The following USP34 variants were observed in gnomAD, a reference collection of about 807,000 sequenced individuals.
USP34 encodes ubiquitin carboxyl-terminal hydrolase 34.
In USP34, 70 loss-of-function variants were observed where a neutral mutation model predicts 460.3. The observed-to-expected ratio is 0.15, with a 90% CI of 0.13 to 0.19. The LOEUF is 0.19. Among genes scored for constraint, USP34 ranks in the 10% least tolerant of loss-of-function variants. USP34 has a pLI of 1.00. For synonymous variants in USP34, 1,647 were observed against 1,405.3 expected, an observed-to-expected ratio of 1.17 and a Z score of -3.85; for missense variants, 3,985 against 4,236.2, an observed-to-expected ratio of 0.94 and a Z score of 1.65.
chr2:61,275,365 C>A (rs1008327895), intron 41 of USP34, among the ~76,000 whole-genome samples: 2 of 152,056 alleles, frequency 1.3e-5, no homozygotes, highest in Non-Finnish European at 1.5e-5. Context: ...ATCGGTAATC[C>A]CAACAGTTTG....
At chr2:61,443,578 G>A (rs1015758409) in intron 1 of USP34, among the ~76,000 whole-genome samples, 1 of 151,790 alleles carries the variant, frequency 6.6e-6, no homozygotes, top group Non-Finnish European at 1.5e-5. Flanking sequence ...AATCTTAACT[G>A]GCAACATACT....
chr2:61,309,121 G>C (rs575367048), intron 27 of USP34, among the ~76,000 whole-genome samples: 4 of 152,264 alleles, frequency 2.6e-5, no homozygotes, highest in South Asian at 2.1e-4. Flanking sequence ...AATGATGAAA[G>C]CAAGAAACAA....
At chr2:61,332,353 A>G (rs1389210748) in intron 19 of USP34, among the ~76,000 whole-genome samples, 1 of 152,026 alleles carries the variant, frequency 6.6e-6, no homozygotes, top group Non-Finnish European at 1.5e-5. Flanking sequence ...CTTTTAAGTG[A>G]TGTAGTTTAT....
At chr2:61,244,510 G>A (rs1198410447) in intron 51 of USP34, among the ~76,000 whole-genome samples, 8 of 151,796 alleles carry the variant, frequency 5.3e-5, no homozygotes, top group African/African-American at 1.7e-4. Flanking sequence ...AGCTACTCCC[G>A]AGGCTGAGAC....
chr2:61,442,109 T>TA (rs1442855664), intron 1 of USP34, among the ~76,000 whole-genome samples: 1 of 151,972 alleles, frequency 6.6e-6, no homozygotes, highest in African/African-American at 2.4e-5. Flanking sequence ...CTCCTCTACA[T>TA]AAACAATCAA....
At chr2:61,342,296 C>CTTTTT (rs34298126) in intron 16 of USP34, among the ~76,000 whole-genome samples, 20 of 95,088 alleles carry the variant, frequency 2.1e-4, no homozygotes, top group East Asian at 3.5e-4. Context: ...TGGCCGTTTC[C>CTTTTT]TTTTTTTTTT....
intron 10 of USP34, among the ~76,000 whole-genome samples, chr2:61,361,740 T>C (rs1692281331): frequency 6.6e-6 from 1 of 152,182 alleles, no homozygotes; most frequent in Non-Finnish European, 1.5e-5. Flanking sequence ...AAAAAGCTTC[T>C]TGACAATGGT....
At chr2:61,265,942 A>G in intron 42 of USP34, 42 bp downstream of exon 42, 2 of 1,492,930 alleles carry the variant, frequency 1.3e-6, no homozygotes, top group South Asian at 1.4e-5. Flanking sequence ...TTATTTCTGA[A>G]TTCAAAATCT....
At chr2:61,192,376 G>C (rs994922681) in intron 76 of USP34, among the ~76,000 whole-genome samples, 1 of 152,210 alleles carries the variant, frequency 6.6e-6, no homozygotes, top group African/African-American at 2.4e-5. Flanking sequence ...TAATTTTAAG[G>C]AGTTGGCTCT....
rs1326667640 is a variant in USP34 at position 61,317,644 on chromosome 2, A to G, written c.3282+10T>C. 3 of 1,602,772 alleles carry G rather than the reference A, an allele frequency of 1.9e-6. No homozygotes were observed. Among genetic ancestry groups the G allele is most frequent in the Non-Finnish European group, 2.6e-6 (3 of 1,173,198 alleles). On this transcript the variant is annotated intron_variant, in intron 23 of 79. Coordinates refer to ENST00000398571, the MANE Select transcript of USP34 (RefSeq NM_014709.4). ...TAAAGTTGCCTAATAAAGTAAGTCTAAATCCATACCTCAGAATTTGAACAA... is the reference window on the plus strand; with the variant it reads ...TAAAGTTGCCTAATAAAGTAAGTCTGAATCCATACCTCAGAATTTGAACAA...
At chr2:61,295,087 G>C (rs1024945395) in intron 31 of USP34, 55 bp from the exon 32 acceptor site, 2 of 1,599,988 alleles carry the variant, frequency 1.3e-6, no homozygotes, top group Non-Finnish European at 1.7e-6. Flanking sequence ...AATTATTATA[G>C]AATGGAAAAG....
chr2:61,239,771 G>A (rs1222023848), intron 53 of USP34, among the ~76,000 whole-genome samples: 1 of 152,126 alleles, frequency 6.6e-6, no homozygotes, highest in Non-Finnish European at 1.5e-5. Flanking sequence ...CACTTTGGGA[G>A]GCCGAGATGG....
chr2:61,439,977 G>C (rs1265325275), intron 1 of USP34, among the ~76,000 whole-genome samples: 1 of 152,158 alleles, frequency 6.6e-6, no homozygotes, highest in Non-Finnish European at 1.5e-5. Flanking sequence ...TCCTAGCCTA[G>C]TGCAGGGACC....
At chr2:61,236,880 T>A (rs1688084712) in intron 53 of USP34, among the ~76,000 whole-genome samples, 1 of 152,226 alleles carries the variant, frequency 6.6e-6, no homozygotes. Context: ...ATACCTTAAA[T>A]ATGACTTACA....
intron 75 of USP34, among the ~76,000 whole-genome samples, chr2:61,199,128 A>G (rs1686894521): frequency 6.6e-6 from 1 of 152,194 alleles, no homozygotes; most frequent in Admixed American, 6.5e-5. Flanking sequence ...ATTTTTATGT[A>G]GTCAAAACTT....
At chr2:61,385,907 A>C (rs1035273990) in intron 5 of USP34, among the ~76,000 whole-genome samples, 1 of 150,812 alleles carries the variant, frequency 6.6e-6, no homozygotes, top group Non-Finnish European at 1.5e-5. Flanking sequence ...GAGACAGGAG[A>C]ATCACTTGAA....
At chr2:61,341,513 G>A (rs759425780) in intron 16 of USP34, among the ~76,000 whole-genome samples, 155 of 152,092 alleles carry the variant, frequency 1.0e-3, no homozygotes, top group Non-Finnish European at 1.8e-3. Context: ...TCACCATAGT[G>A]TGAATTCTTA....
chr2:61,268,302 A>C (rs900875545), intron 41 of USP34, among the ~76,000 whole-genome samples: 2 of 151,870 alleles, frequency 1.3e-5, no homozygotes, highest in Non-Finnish European at 2.9e-5. Context: ...CTAATGGTGA[A>C]ATGTGCTCCC....
At chr2:61,425,490 G>C (rs151056546) in intron 1 of USP34, among the ~76,000 whole-genome samples, 1 of 152,056 alleles carries the variant, frequency 6.6e-6, no homozygotes, top group East Asian at 1.9e-4. Context: ...ACTCAGTGCT[G>C]TCCTGTGAGA....
Sources: allele counts gnomAD v4.1 joint callset (sites outside exome capture counted in the v4.1 genomes callset), GRCh38; gene constraint gnomAD v4.1.1; transcripts MANE v1.5; gene names NCBI Gene and HGNC (gene_info 2026-07-23, HGNC 2026-07-21).